Variants in FOCAD observed in about 807,000 individuals in gnomAD.
The protein encoded by FOCAD is KIAA1797.
In FOCAD, 198 loss-of-function variants were observed where a neutral mutation model predicts 225.6. That is an observed-to-expected ratio of 0.88 (90% CI 0.78 to 0.99). The LOEUF (loss-of-function observed/expected upper bound fraction) is 0.99, where lower values mean the gene tolerates loss of function less well. FOCAD is among the 50% of genes least tolerant of loss of function. FOCAD has a pLI of 0.00. For missense variants in FOCAD, 2,713 were observed against 2,123.6 expected, an observed-to-expected ratio of 1.28 and a Z score of -5.46; for synonymous variants, 897 against 755.0, an observed-to-expected ratio of 1.19 and a Z score of -3.08.
At chr9:20,947,859 G>A (rs1487327279) in intron 30 of FOCAD, among the ~76,000 whole-genome samples, 1 of 152,052 alleles carries the variant, frequency 6.6e-6, no homozygotes, top group Non-Finnish European at 1.5e-5. Context: ...TTCAGAGTAA[G>A]TTGTGAAAAA....
chr9:20,892,925 A>G (rs1831747104), intron 21 of FOCAD, among the ~76,000 whole-genome samples: 1 of 152,184 alleles, frequency 6.6e-6, no homozygotes, highest in African/African-American at 2.4e-5. Flanking sequence ...GTTAGCAACC[A>G]TCAACATCCA....
At chr9:20,820,215 T>G in intron 12 of FOCAD, 109 bp from the exon 13 acceptor site, 1 of 744,058 alleles carries the variant, frequency 1.3e-6, no homozygotes, top group South Asian at 2.0e-5. Flanking sequence ...TGCAGCAAGC[T>G]TTCTTCTCAG....
chr9:20,973,015 G>T (rs1839896536), intron 35 of FOCAD, among the ~76,000 whole-genome samples: 2 of 149,812 alleles, frequency 1.3e-5, no homozygotes, highest in Admixed American at 6.7e-5. Flanking sequence ...TCTTCTTTCA[G>T]CATCTGCTGA....
chr9:20,826,195 T>C (rs1026565619), intron 15 of FOCAD, among the ~76,000 whole-genome samples: 1 of 152,098 alleles, frequency 6.6e-6, no homozygotes, highest in African/African-American at 2.4e-5. Context: ...GATTAACATT[T>C]GAGTCAGTGG....
intron 2 of FOCAD, among the ~76,000 whole-genome samples, chr9:20,662,997 A>G (rs191672735): frequency 1.2e-3 from 190 of 152,382 alleles, no homozygotes; most frequent in African/African-American, 4.3e-3. Context: ...CAGTTTTAAC[A>G]GTAACACTTA....
Position 20,948,952 on chromosome 9 carries a change from G to A in FOCAD, c.3876+24G>A, listed in dbSNP as rs745650248. 5 of 1,603,640 alleles carry A rather than the reference G, an allele frequency of 3.1e-6. No individual in the cohort carries two copies. The Admixed American group carries it at 8.3e-5, about 27-fold the overall frequency. ...AGGTAAAGAAAGGAACCATGGAGGG[G>A]AAGACATCTAAATATGTACATAGCC... On this transcript the variant is annotated intron_variant, in intron 32 of 43. Transcript: ENST00000338382.
chr9:20,733,273 A>G (rs1051857957), intron 4 of FOCAD, among the ~76,000 whole-genome samples: 4 of 152,154 alleles, frequency 2.6e-5, no homozygotes, highest in Admixed American at 1.3e-4. Flanking sequence ...ACAGGTCCTA[A>G]GCAGAAGACA....
In FOCAD at chr9:20,882,026, A is replaced by C. The variant is rs770011565; in HGVS notation, c.2473A>C (p.Lys825Gln). ...TATATTGAAAATGTATGAAACAAAC[A>C]AGCAACCAGGACTGAAACCTGGCCT... Reference protein sequence around the residue: ...NFILKMYETNKQPGLKPGLAG... With the variant: ...NFILKMYETNQQPGLKPGLAG... Residue 825 changes from lysine (K) to glutamine (Q), a missense_variant, in exon 20 of 44, where the codon AAG becomes CAG. Lys to Gln is a moderately conservative substitution (Grantham distance 53). Coordinates refer to ENST00000338382, the MANE Select transcript of FOCAD (RefSeq NM_001375567.1). The C allele has an allele frequency of 1.4e-5, 22 of 1,613,738 alleles. No homozygotes were observed. The highest frequency in any genetic ancestry group is 1.9e-5 in the Non-Finnish European group (22 of 1,179,840).
chr9:20,810,016 A>G (rs1415100993), intron 11 of FOCAD, among the ~76,000 whole-genome samples: 1 of 152,172 alleles, frequency 6.6e-6, no homozygotes, highest in Non-Finnish European at 1.5e-5. Context: ...GTTATTCTCT[A>G]AAAGAACTCA....
At chr9:20,844,393 C>G (rs1195769420) in intron 15 of FOCAD, among the ~76,000 whole-genome samples, 1 of 116,250 alleles carries the variant, frequency 8.6e-6, no homozygotes, top group African/African-American at 3.2e-5. Context: ...CAGAGTCTCA[C>G]TGTGTCACTC....
intron 35 of FOCAD, among the ~76,000 whole-genome samples, chr9:20,968,362 A>T (rs1839451863): frequency 1.3e-5 from 2 of 148,936 alleles, no homozygotes; most frequent in Admixed American, 1.3e-4. Flanking sequence ...AGTCTAGATA[A>T]CAGTTTGCCA....
chr9:20,663,510 C>A (rs1214331423), intron 2 of FOCAD, among the ~76,000 whole-genome samples: 2 of 150,006 alleles, frequency 1.3e-5, no homozygotes, highest in African/African-American at 4.9e-5. Flanking sequence ...CACACACATA[C>A]ACACAGTTTA....
At chr9:20,661,329 T>C (rs1305081132) in intron 2 of FOCAD, among the ~76,000 whole-genome samples, 2 of 152,126 alleles carry the variant, frequency 1.3e-5, no homozygotes, top group Admixed American at 1.3e-4. Flanking sequence ...TGTATGATAG[T>C]CTCCAATGTG....
intron 13 of FOCAD, 27 bp from the exon 14 acceptor site, chr9:20,820,914 A>T: frequency 6.2e-7 from 1 of 1,603,762 alleles, no homozygotes; most frequent in East Asian, 2.2e-5. Flanking sequence ...TTGGGAAACT[A>T]CCTTTTTTGT....
At chr9:20,889,580 T>G (rs562236150) in intron 21 of FOCAD, among the ~76,000 whole-genome samples, 1 of 152,340 alleles carries the variant, frequency 6.6e-6, no homozygotes, top group South Asian at 2.1e-4. Context: ...GTACTCACTT[T>G]TGTTCCATTG....
intron 7 of FOCAD, among the ~76,000 whole-genome samples, chr9:20,765,601 T>C (rs1829986592): frequency 6.6e-6 from 1 of 152,124 alleles, no homozygotes; most frequent in Admixed American, 6.5e-5. Flanking sequence ...GTAAATGAGT[T>C]AGGACAAGTA....
chr9:20,983,679 C>T (rs549699947), intron 39 of FOCAD, among the ~76,000 whole-genome samples: 1 of 152,076 alleles, frequency 6.6e-6, no homozygotes, highest in Admixed American at 6.5e-5. Context: ...GACTCTGGAG[C>T]CTCACTGCTT....
intron 35 of FOCAD, among the ~76,000 whole-genome samples, chr9:20,955,389 C>T (rs952148894): frequency 2.0e-5 from 3 of 152,132 alleles, no homozygotes; most frequent in African/African-American, 7.2e-5. Context: ...CTTTAGTACT[C>T]ATGTGATAGA....
intron 11 of FOCAD, among the ~76,000 whole-genome samples, chr9:20,812,854 C>G (rs1823234881): frequency 6.6e-6 from 1 of 151,950 alleles, no homozygotes; most frequent in African/African-American, 2.4e-5. Flanking sequence ...AAAAACAATC[C>G]CAGGATTTTT....
Sources: allele counts gnomAD v4.1 joint callset (sites outside exome capture counted in the v4.1 genomes callset), GRCh38; gene constraint gnomAD v4.1.1; transcripts MANE v1.5; gene names NCBI Gene and HGNC (gene_info 2026-07-23, HGNC 2026-07-21).